VPS45: variants seen among roughly 807,000 people sequenced by gnomAD.
VPS45 encodes vacuolar protein sorting-associated protein 45.
VPS45 carries 35 observed loss-of-function variants against 75.9 expected under a neutral mutation model. The observed-to-expected ratio is 0.46, with a 90% CI of 0.35 to 0.61. The LOEUF (loss-of-function observed/expected upper bound fraction) is 0.61. VPS45 is among the 20% of genes least tolerant of loss of function. The pLI, the probability that VPS45 is intolerant of heterozygous loss-of-function variation, is 0.00. For synonymous variants in VPS45, 220 were observed against 238.2 expected (o/e 0.92, Z 0.70); for missense variants, 559 against 685.9 (o/e 0.81, Z 2.07).
chr1:150,114,101 T>C (rs782043295), intron 14 of VPS45, among the ~76,000 whole-genome samples: 2 of 152,214 alleles, frequency 1.3e-5, no homozygotes, highest in Admixed American at 6.5e-5. Flanking sequence ...TTTATCTATA[T>C]TTACTCACAT....
intron 14 of VPS45, among the ~76,000 whole-genome samples, chr1:150,117,187 G>A (rs1317181431): frequency 6.6e-6 from 1 of 150,712 alleles, no homozygotes; most frequent in African/African-American, 2.4e-5. Flanking sequence ...GGCTACAGAG[G>A]GCGACTCCGT....
chr1:150,134,420 A>G (rs1355754615), intron 14 of VPS45, among the ~76,000 whole-genome samples: 3 of 152,230 alleles, frequency 2.0e-5, no homozygotes, highest in African/African-American at 7.2e-5. Context: ...AAAGCATAAT[A>G]TAATAAATAC....
chr1:150,067,884 G>A lies in VPS45; in HGVS notation c.27G>A (p.Gln9=), dbSNP rs1654813865. MNVVFAVK[Q]YISKMIEDSG... is the part of the protein sequence containing the mutation. ...TGAACGTGGTTTTTGCTGTGAAGCA[G>A]TACATTTCCAAAATGATAGAGGACA... The change falls in exon 1 of 15, where the codon CAG becomes CAA. Residue 9 remains glutamine, a synonymous_variant. Transcript: ENST00000644510. 8.7e-6 allele frequency: 14 copies of A among 1,614,202 alleles called. No homozygotes were observed. The highest frequency in any genetic ancestry group is 1.2e-5 in the Non-Finnish European group (14 of 1,180,020).
At chr1:150,093,438 GT>G in intron 12 of VPS45, 88 bp from the exon 13 acceptor site, 2 of 1,440,132 alleles carry the variant, frequency 1.4e-6, no homozygotes, top group Non-Finnish European at 1.9e-6. Flanking sequence ...TCTCTATTGA[GT>G]GTATGTCCTT....
intron 13 of VPS45, among the ~76,000 whole-genome samples, chr1:150,106,434 A>G (rs1212893883): frequency 6.6e-6 from 1 of 152,218 alleles, no homozygotes; most frequent in Admixed American, 6.5e-5. Context: ...ACATTTCTCA[A>G]AAGAATTACA....
At chr1:150,143,625 G>GCCCTACATT (rs139304856) in intron 14 of VPS45, among the ~76,000 whole-genome samples, 4,082 of 151,686 alleles carry the variant, frequency 0.027, 144 homozygotes, top group African/African-American at 0.088. Flanking sequence ...AGAAAGAATA[G>GCCCTACATT]TCAAACATAG....
chr1:150,099,685 G>T (rs997599565), intron 13 of VPS45, among the ~76,000 whole-genome samples: 6 of 151,630 alleles, frequency 4.0e-5, no homozygotes, highest in Non-Finnish European at 8.8e-5. Context: ...TACAAAAAAT[G>T]AGCCAGGTGT....
At chr1:150,068,154 A>C in intron 1 of VPS45, 1 of 537,372 alleles carries the variant, frequency 1.9e-6, no homozygotes, top group Non-Finnish European at 3.3e-6. Flanking sequence ...GACTACTTCT[A>C]CCCGGAACAA....
intron 13 of VPS45, among the ~76,000 whole-genome samples, chr1:150,100,088 A>T (rs1656896941): frequency 6.6e-6 from 1 of 152,188 alleles, no homozygotes; most frequent in Non-Finnish European, 1.5e-5. Context: ...AGAAAACCCC[A>T]TAGTCTCAGC....
intron 10 of VPS45, among the ~76,000 whole-genome samples, chr1:150,089,726 C>A (rs1553801546): frequency 6.6e-6 from 1 of 152,044 alleles, no homozygotes; most frequent in Non-Finnish European, 1.5e-5. Flanking sequence ...TAATTTGTAC[C>A]TGAAATTTCT....
intron 14 of VPS45, among the ~76,000 whole-genome samples, chr1:150,117,963 G>T (rs1553808755): frequency 6.6e-6 from 1 of 152,044 alleles, no homozygotes; most frequent in Non-Finnish European, 1.5e-5. Flanking sequence ...ACATGTTTTA[G>T]ATGTGTTTGA....
At chr1:150,138,375 A>G (rs1161226229) in intron 14 of VPS45, among the ~76,000 whole-genome samples, 1 of 151,894 alleles carries the variant, frequency 6.6e-6, no homozygotes, top group Non-Finnish European at 1.5e-5. Context: ...CTCACTGGCC[A>G]TTCCTTCTCT....
Position 150,077,746 on chromosome 1 carries a change from C to A in VPS45, c.654C>A (p.Arg218=). The change falls in exon 7 of 15, where the codon CGC becomes CGA. Residue 218 remains arginine (R), a synonymous_variant. Transcript: ENST00000644510. ...EVPPLLLILD[R]CDDAITPLLN... is the part of the protein sequence containing the mutation. The stretch of plus-strand genomic sequence containing the variant: ...CTCCATTGCTCCTTATTTTAGATCG[C>A]TGTGATGATGCCATCACCCCATTGC... The A allele has an allele frequency of 6.2e-7, 1 of 1,614,024 alleles. No individual in the cohort carries two copies. Among genetic ancestry groups the A allele is most frequent in the Non-Finnish European group, 8.5e-7 (1 of 1,179,954 alleles).
chr1:150,128,899 C>T lies in VPS45; in HGVS notation c.1626-15810C>T, dbSNP rs587709205. On this transcript the variant is annotated intron_variant, in intron 14 of 14. Coordinates refer to ENST00000644510, the MANE Select transcript of VPS45 (RefSeq NM_007259.5). ...GGACTACAAGTGCGTGCCACCACGCCTGGCTAATTATTTTTGTATTTTTAG... is the reference window on the plus strand; with the variant it reads ...GGACTACAAGTGCGTGCCACCACGCTTGGCTAATTATTTTTGTATTTTTAG... 4.6e-5 allele frequency among the ~76,000 whole-genome samples: 7 copies of T among 152,254 alleles called. No individual in the cohort carries two copies. The South Asian group carries it at 1.5e-3, about 32-fold the overall frequency.
intron 14 of VPS45, among the ~76,000 whole-genome samples, chr1:150,137,550 A>G (rs1454160744): frequency 5.3e-5 from 8 of 152,142 alleles, no homozygotes; most frequent in African/African-American, 1.9e-4. Context: ...ACACCGGGAT[A>G]TCTCTCCAAA....
chr1:150,081,982 A>G lies in VPS45; in HGVS notation c.921A>G (p.Ser307=). The G allele has an allele frequency of 6.2e-7, 1 of 1,607,678 alleles. No homozygotes were observed. Residue 307 remains serine (S), a synonymous_variant, in exon 9 of 15, where the codon TCA becomes TCG. Transcript: ENST00000644510. ...CAAAAGAACAGCAAAAACTAGAATC[A>G]ATAGCAGACATGAAGGTAAATTGAA... ...KKPKEQQKLE[S]IADMKAFVEN...
intron 3 of VPS45, among the ~76,000 whole-genome samples, chr1:150,073,355 A>G (rs1300547731): frequency 6.6e-6 from 1 of 152,206 alleles, no homozygotes. Context: ...TACTACTTAA[A>G]TAGAATAATG....
intron 13 of VPS45, among the ~76,000 whole-genome samples, chr1:150,096,124 T>C (rs868969566): frequency 6.6e-6 from 1 of 152,154 alleles, no homozygotes; most frequent in South Asian, 2.1e-4. Context: ...AAACAGAGTT[T>C]TGTTGTTCAG....
intron 14 of VPS45, among the ~76,000 whole-genome samples, chr1:150,114,209 A>G (rs1657797412): frequency 6.6e-6 from 1 of 151,790 alleles, no homozygotes; most frequent in South Asian, 2.1e-4. Flanking sequence ...CCTGAATCCC[A>G]TGCCTGTACT....
Sources: allele counts gnomAD v4.1 joint callset (sites outside exome capture counted in the v4.1 genomes callset), GRCh38; gene constraint gnomAD v4.1.1; transcripts MANE v1.5; gene names NCBI Gene and HGNC (gene_info 2026-07-23, HGNC 2026-07-21).